MAGI2: variants seen among roughly 807,000 people sequenced by gnomAD.
The protein encoded by MAGI2 is membrane-associated guanylate kinase, WW and PDZ domain-containing protein 2.
A neutral mutation model predicts 133.3 loss-of-function variants in MAGI2; 35 were observed. The observed-to-expected ratio is 0.26, with a 90% CI of 0.20 to 0.35. The LOEUF (loss-of-function observed/expected upper bound fraction) is 0.35, where lower values mean the gene tolerates loss of function less well. MAGI2 is among the 10% of genes least tolerant of loss of function. MAGI2 has a pLI of 1.00. For missense variants in MAGI2, 1,636 were observed against 1,863.4 expected, an observed-to-expected ratio of 0.88 and a Z score of 2.25; for synonymous variants, 729 against 710.6, an observed-to-expected ratio of 1.03 and a Z score of -0.41.
intron 13 of MAGI2, among the ~76,000 whole-genome samples, chr7:78,182,613 GCT>G (rs901441339): frequency 2.0e-5 from 3 of 152,134 alleles, no homozygotes; most frequent in Admixed American, 2.0e-4. Flanking sequence ...TCTGGTTTAT[GCT>G]CTCTCTTAGC....
At chr7:78,113,127 TGGGAGGGGGACTGGGGATAGAACACGCA>T (rs200519520) in intron 20 of MAGI2, among the ~76,000 whole-genome samples, 25,718 of 146,552 alleles carry the variant, frequency 0.18, 2,325 homozygotes, top group Non-Finnish European at 0.22. Context: ...TGAGATGAGC[TGGGAGGGGGACTGGGGATAGAACACGCA>T]GGGAGGGGGA....
chr7:78,112,990 G>A (rs959329705), intron 20 of MAGI2, among the ~76,000 whole-genome samples: 2 of 152,308 alleles, frequency 1.3e-5, no homozygotes, highest in East Asian at 1.9e-4. Context: ...ACTTACCCAG[G>A]GGAACGGGTG....
chr7:78,886,903 A>G (rs1299900332), intron 2 of MAGI2, among the ~76,000 whole-genome samples: 2 of 152,124 alleles, frequency 1.3e-5, no homozygotes, highest in Non-Finnish European at 2.9e-5. Context: ...TAACTGAATC[A>G]TGGGGGGAGT....
rs139971467 is a variant in MAGI2, at chr7:78,157,929, A to G, written c.2845+2096T>C. Among the ~76,000 whole-genome samples the G allele has an allele frequency of 6.6e-3, 1,008 of 152,324 alleles. 15 individuals are homozygous for G. The highest frequency in any genetic ancestry group is 0.023 in the African/African-American group (938 of 41,570). ...GATGTATGTAATTTGGCTTCTGCACATATTCGCTGAGGTTTAATGCTTCTG... is the reference window on the plus strand; with the variant it reads ...GATGTATGTAATTTGGCTTCTGCACGTATTCGCTGAGGTTTAATGCTTCTG... On this transcript the variant is annotated intron_variant, in intron 16 of 21. Coordinates refer to ENST00000354212, the MANE Select transcript of MAGI2 (RefSeq NM_012301.4).
At chr7:79,288,921 C>T (rs1836247035) in intron 1 of MAGI2, among the ~76,000 whole-genome samples, 1 of 151,974 alleles carries the variant, frequency 6.6e-6, no homozygotes, top group African/African-American at 2.4e-5. Flanking sequence ...CAGTTATGGT[C>T]CCATAGGAAC....
intron 2 of MAGI2, among the ~76,000 whole-genome samples, chr7:78,954,807 G>GT (rs1178511622): frequency 1.3e-5 from 2 of 152,060 alleles, no homozygotes; most frequent in African/African-American, 4.8e-5. Flanking sequence ...AAAGGAGTCA[G>GT]TTTCAAAGCA....
intron 6 of MAGI2, among the ~76,000 whole-genome samples, chr7:78,458,836 G>A (rs922944200): frequency 3.3e-5 from 5 of 152,042 alleles, no homozygotes; most frequent in African/African-American, 1.2e-4. Flanking sequence ...GTGTTTCTCC[G>A]TGTTAGCCAG....
intron 1 of MAGI2, among the ~76,000 whole-genome samples, chr7:79,186,234 A>ATATATATATT (rs1827121409): frequency 1.6e-5 from 2 of 127,690 alleles, no homozygotes; most frequent in Admixed American, 7.9e-5. Context: ...ATATATATAT[A>ATATATATATT]TATATATATT....
At chr7:78,273,138 G>A (rs1794747063) in intron 9 of MAGI2, among the ~76,000 whole-genome samples, 1 of 152,096 alleles carries the variant, frequency 6.6e-6, no homozygotes, top group African/African-American at 2.4e-5. Flanking sequence ...CAGGCCTGGT[G>A]GTGACAAAAT....
chr7:78,815,630 A>G (rs574866898), intron 2 of MAGI2, among the ~76,000 whole-genome samples: 134 of 152,204 alleles, frequency 8.8e-4, no homozygotes, highest in African/African-American at 3.1e-3. Context: ...AATTCTTGCA[A>G]TATTTCAAAC....
At chr7:78,320,607 T>C (rs1562816941) in intron 9 of MAGI2, among the ~76,000 whole-genome samples, 2 of 152,220 alleles carry the variant, frequency 1.3e-5, no homozygotes, top group African/African-American at 2.4e-5. Flanking sequence ...AAACTAGGTA[T>C]TGATGGAACA....
chr7:78,659,334 C>T (rs575319749), intron 2 of MAGI2, among the ~76,000 whole-genome samples: 1 of 148,258 alleles, frequency 6.7e-6, no homozygotes, highest in Admixed American at 6.7e-5. Context: ...ACTTGTAGTC[C>T]CAGCTTCTTG....
At chr7:78,291,263 C>T (rs1796681492) in intron 9 of MAGI2, among the ~76,000 whole-genome samples, 1 of 152,112 alleles carries the variant, frequency 6.6e-6, no homozygotes, top group Non-Finnish European at 1.5e-5. Context: ...ACCACTGATC[C>T]CACAGAAATA....
intron 6 of MAGI2, among the ~76,000 whole-genome samples, chr7:78,423,974 A>C (rs1799040845): frequency 6.6e-6 from 1 of 152,240 alleles, no homozygotes; most frequent in Admixed American, 6.5e-5. Context: ...TTCTGAGGCG[A>C]AATTGAAGCC....
At chr7:79,180,472 T>C (rs1826511055) in intron 1 of MAGI2, among the ~76,000 whole-genome samples, 2 of 151,996 alleles carry the variant, frequency 1.3e-5, no homozygotes, top group African/African-American at 4.8e-5. Flanking sequence ...CTCCCTTTTC[T>C]AAAATCATCA....
intron 1 of MAGI2, 95 bp downstream of exon 1, chr7:79,452,925 A>G (rs879555059): frequency 2.1e-4 from 285 of 1,357,908 alleles, no homozygotes; most frequent in Middle Eastern, 1.1e-3. Context: ...ATCGCGCAAC[A>G]CACCCCCTTC....
intron 6 of MAGI2, among the ~76,000 whole-genome samples, chr7:78,432,835 T>C (rs1195650345): frequency 2.6e-5 from 4 of 152,022 alleles, no homozygotes; most frequent in African/African-American, 9.7e-5. Flanking sequence ...AATATGCATA[T>C]ATAAAGCACT....
intron 1 of MAGI2, among the ~76,000 whole-genome samples, chr7:79,370,547 A>C (rs922073443): frequency 2.0e-5 from 3 of 152,178 alleles, no homozygotes; most frequent in Non-Finnish European, 2.9e-5. Flanking sequence ...ATTTACACAA[A>C]AAATAAAGAA....
intron 1 of MAGI2, among the ~76,000 whole-genome samples, chr7:79,067,168 G>A (rs756840362): frequency 1.4e-4 from 21 of 152,136 alleles, no homozygotes; most frequent in Non-Finnish European, 2.8e-4. Flanking sequence ...GCTTGTTGGG[G>A]AGAGCATTGA....
Sources: allele counts gnomAD v4.1 joint callset (sites outside exome capture counted in the v4.1 genomes callset), GRCh38; gene constraint gnomAD v4.1.1; transcripts MANE v1.5; gene names NCBI Gene and HGNC (gene_info 2026-07-23, HGNC 2026-07-21).